ANK1: variants seen among roughly 807,000 people sequenced by gnomAD.
The protein encoded by ANK1 is ankyrin-1.
Under a neutral mutation model 210.4 loss-of-function variants are expected in ANK1, and 51 were observed. The observed-to-expected ratio is 0.24, with a 90% CI of 0.19 to 0.31. The LOEUF is 0.31. ANK1 is among the 10% of genes least tolerant of loss of function. The probability of loss-of-function intolerance (pLI) is 1.00; values close to 1 mark genes in which losing one functional copy is unlikely to be tolerated. For missense variants in ANK1, 2,051 were observed against 2,504.4 expected (o/e 0.82, Z 3.86); for synonymous variants, 967 against 1,025.9 (o/e 0.94, Z 1.10).
At chr8:41,750,907 G>A (rs1055884254) in intron 2 of ANK1, among the ~76,000 whole-genome samples, 1 of 152,142 alleles carries the variant, frequency 6.6e-6, no homozygotes, top group Non-Finnish European at 1.5e-5. Context: ...TTGCTATCAG[G>A]AAGGCCAAAT....
At chr8:41,853,243 C>T (rs1053370668) in intron 1 of ANK1, among the ~76,000 whole-genome samples, 2 of 152,240 alleles carry the variant, frequency 1.3e-5, no homozygotes, top group Non-Finnish European at 2.9e-5. Context: ...CTTCCTGATA[C>T]TGACATGCCA....
chr8:41,672,518 C>T lies in ANK1; in HGVS notation c.4932G>A (p.Gln1644=). The T allele has an allele frequency of 1.2e-6, 2 of 1,614,244 alleles. No individual in the cohort carries two copies. Among genetic ancestry groups the T allele is most frequent in the Non-Finnish European group, 1.7e-6 (2 of 1,180,048 alleles). ...LIDLLEQEEG[Q]RSEEKLPGSK... ...AACCTGGCAGCTTCTCTTCTGACCT[C>T]TGACCTTCCTCCTGTTCAAGCAAAT... Residue 1644 remains glutamine (Q), a synonymous_variant, in exon 38 of 43, where the codon CAG becomes CAA. Transcript: ENST00000289734.
At chr8:41,812,451 G>A (rs1194135264) in intron 1 of ANK1, among the ~76,000 whole-genome samples, 9 of 152,346 alleles carry the variant, frequency 5.9e-5, no homozygotes, top group Non-Finnish European at 1.2e-4. Context: ...GAAGGTCAAC[G>A]GAGGAAATGC....
At chr8:41,822,112 G>GAGAA (rs1563845202) in intron 1 of ANK1, among the ~76,000 whole-genome samples, 2 of 29,394 alleles carry the variant, frequency 6.8e-5, no homozygotes, top group Non-Finnish European at 1.6e-4. Flanking sequence ...GAGAGAGAGA[G>GAGAA]AGAAAGAAAG....
At chr8:41,717,329 C>G (rs1185766164) in intron 12 of ANK1, among the ~76,000 whole-genome samples, 1 of 152,222 alleles carries the variant, frequency 6.6e-6, no homozygotes, top group African/African-American at 2.4e-5. Flanking sequence ...AACCCCAGAG[C>G]TAATGAATAT....
chr8:41,843,804 T>A lies in ANK1; in HGVS notation c.126+52551A>T, dbSNP rs117163977. On this transcript the variant is annotated intron_variant, in intron 1 of 42. Coordinates refer to the ANK1 transcript ENST00000265709. ...GGATCTTGTTAACTCAAGATACGTATGATGCAGGCAGGAATCAGAGAGAGA... is the reference window on the plus strand; with the variant it reads ...GGATCTTGTTAACTCAAGATACGTAAGATGCAGGCAGGAATCAGAGAGAGA... 9.8e-4 allele frequency among the ~76,000 whole-genome samples: 150 copies of A among 152,300 alleles called. 1 individual carries two copies. The East Asian group carries it at 0.027, about 27-fold the overall frequency.
rs1292369595 is a variant in ANK1 at position 41,719,761 on chromosome 8, A to G, written c.1007T>C (p.Leu336Pro). The change falls in exon 10 of 43, where the codon CTG becomes CCG. Residue 336 changes from leucine (L) to proline (P), a missense_variant. By Grantham distance (98) the Leu-to-Pro change is moderately conservative. Coordinates refer to ENST00000289734, the MANE Select transcript of ANK1 (RefSeq NM_000037.4). ...CACGTGGAGTGGGGTCAGGTGGTCC[A>G]GGGTGATGTCGTCTATCTCTGCGTC... ...QYDAEIDDIT[L>P]DHLTPLHVAA... 1 of 1,614,076 alleles carries G rather than the reference A, an allele frequency of 6.2e-7. No homozygotes were observed. Among genetic ancestry groups the G allele is most frequent in the East Asian group, 2.2e-5 (1 of 44,892 alleles).
chr8:41,857,455 T>C (rs1812415143), intron 1 of ANK1, among the ~76,000 whole-genome samples: 1 of 149,642 alleles, frequency 6.7e-6, no homozygotes, highest in Admixed American at 6.6e-5. Context: ...ATTACAAAAT[T>C]AGGCCAGGTG....
At chr8:41,663,628 C>G in intron 40 of ANK1, 31 bp downstream of exon 40, 1 of 1,602,078 alleles carries the variant, frequency 6.2e-7, no homozygotes, top group Non-Finnish European at 8.6e-7. Flanking sequence ...CCTGCCTCTC[C>G]CCAGCACAGA....
At chr8:41,782,192 G>T (rs1845483351) in intron 1 of ANK1, among the ~76,000 whole-genome samples, 1 of 152,174 alleles carries the variant, frequency 6.6e-6, no homozygotes, top group Non-Finnish European at 1.5e-5. Context: ...CTGCCATGGG[G>T]CCACCAGATG....
chr8:41,663,674 G>A lies in ANK1; in HGVS notation c.5463C>T (p.Asn1821=), dbSNP rs368285911. Residue 1821 remains asparagine (N), a synonymous_variant, in exon 40 of 43, where the codon AAC becomes AAT. Transcript: ENST00000289734. ...TEEQFTDEQG[N]IVTKKIIRKV... ...CTGCACCCACCTTCTTGGTGACAAT[G>A]TTGCCCTGCTCATCCGTGAATTGCT... The A allele has an allele frequency of 3.1e-6, 5 of 1,613,988 alleles. No individual in the cohort carries two copies. Among genetic ancestry groups the A allele is most frequent in the Non-Finnish European group, 4.2e-6 (5 of 1,179,910 alleles).
rs112677283 is a variant in ANK1, at chr8:41,686,201, A to G, written c.4341T>C (p.Ser1447=). The change falls in exon 36 of 43, where the codon AGT becomes AGC. Residue 1447 remains serine (S), a synonymous_variant. Transcript: ENST00000289734. ...TGACCCAGAGGTTCAGCAAGGCCAC[A>G]CTCTGCTCCAACAGGGAGTTGGGAT... ...VENPNSLLEQ[S]VALLNLWVIR... 63 of 1,614,074 alleles carry G rather than the reference A, an allele frequency of 3.9e-5. 1 individual carries two copies. In the African/African-American group the frequency reaches 4.8e-4, roughly 12 times the overall value.
intron 1 of ANK1, among the ~76,000 whole-genome samples, chr8:41,840,585 C>G (rs1021303054): frequency 6.6e-6 from 1 of 152,190 alleles, no homozygotes; most frequent in African/African-American, 2.4e-5. Flanking sequence ...GGCTTGCGGG[C>G]AGCTGGCTTC....
upstream of ANK1, among the ~76,000 whole-genome samples, chr8:41,799,033 G>C (rs557312533): frequency 6.6e-6 from 1 of 151,994 alleles, no homozygotes; most frequent in African/African-American, 2.4e-5. Flanking sequence ...CCATCTCCCC[G>C]GGGACTAGTG....
intron 1 of ANK1, among the ~76,000 whole-genome samples, chr8:41,859,586 C>T (rs1812883208): frequency 6.6e-6 from 1 of 152,190 alleles, no homozygotes; most frequent in Non-Finnish European, 1.5e-5. Flanking sequence ...GTGATCTGCC[C>T]ACCTCAGCAT....
At chr8:41,887,242 C>CTTT (rs35112522) in intron 1 of ANK1, among the ~76,000 whole-genome samples, 5,185 of 80,676 alleles carry the variant, frequency 0.064, 677 homozygotes, top group African/African-American at 0.23. Flanking sequence ...CTTTCCTTTC[C>CTTT]TTTTTTTTTT....
rs190263795 is a variant in ANK1, at chr8:41,802,874, C to T, written c.127-44737G>A. ...GCCGCAGTGAGCGATGATCATGCCACGGCACTCCAGCCTGGGTAATGAGAA... is the reference window on the plus strand; with the variant it reads ...GCCGCAGTGAGCGATGATCATGCCATGGCACTCCAGCCTGGGTAATGAGAA... On this transcript the variant is annotated intron_variant, in intron 1 of 42. Coordinates refer to the ANK1 transcript ENST00000265709. Among the ~76,000 whole-genome samples the T allele has an allele frequency of 1.1e-4, 15 of 135,000 alleles. No individual in the cohort carries two copies. In the East Asian group the frequency reaches 1.3e-3, roughly 12 times the overall value. 88.6% of individuals were successfully genotyped at this position (135,000 alleles called of 152,430 possible). A position where few individuals can be genotyped will look rare whatever the true frequency, so the allele number is the denominator to read the frequency against.
chr8:41,668,371 C>G lies in ANK1; in HGVS notation c.5290G>C (p.Glu1764Gln). Reference sequence around the variant, plus strand: ...TGGGAGCTCTCAGCCTCGGGCTGTTCTGTCCACGTGTGCTCACTTACAGAC... The same window carrying G: ...TGGGAGCTCTCAGCCTCGGGCTGTTGTGTCCACGTGTGCTCACTTACAGAC... ...LVSVSEHTWT[E>Q]QPEAESSQAD... is the part of the protein sequence containing the mutation. Residue 1764 changes from glutamate (E) to glutamine (Q), a missense_variant, in exon 39 of 43, where the codon GAA (glutamate) becomes CAA (glutamine). By Grantham distance (29) the Glu-to-Gln change is conservative. Around this residue, in one of 6 missense-constraint regions of ANK1, gnomAD observed 496 missense variants for 533.4 expected, o/e 0.93. Transcript: ENST00000289734. The G allele has an allele frequency of 6.2e-7, 1 of 1,614,234 alleles. No homozygotes were observed. Among genetic ancestry groups the G allele is most frequent in the Non-Finnish European group, 8.5e-7 (1 of 1,180,036 alleles).
Position 41,859,245 on chromosome 8 carries a change from C to T in ANK1, c.126+37110G>A, listed in dbSNP as rs550535498. On this transcript the variant is annotated intron_variant, in intron 1 of 42. Coordinates refer to the ANK1 transcript ENST00000265709. Reference sequence around the variant, plus strand: ...GCAGGTGGGAGGACGATGGGGCCAACGGCACCTACGGGAAATTTCCCTGGG... The same window carrying T: ...GCAGGTGGGAGGACGATGGGGCCAATGGCACCTACGGGAAATTTCCCTGGG... Among the ~76,000 whole-genome samples, 4 of 152,346 alleles carry T rather than the reference C, an allele frequency of 2.6e-5. No individual in the cohort carries two copies. In the South Asian group the frequency reaches 8.3e-4, roughly 32 times the overall value.
Sources: allele counts gnomAD v4.1 joint callset (sites outside exome capture counted in the v4.1 genomes callset), GRCh38; gene constraint gnomAD v4.1.1; regional missense constraint gnomAD v4.1.1; transcripts MANE v1.5; gene names NCBI Gene and HGNC (gene_info 2026-07-23, HGNC 2026-07-21).